CFAP100: variants seen among roughly 807,000 people sequenced by gnomAD.
CFAP100 encodes the protein cilia and flagella associated protein 100, also known as cilia- and flagella-associated protein 100.
Under a neutral mutation model 81.5 loss-of-function variants are expected in CFAP100, and 70 were observed. The observed-to-expected ratio is 0.86, with a 90% CI of 0.71 to 1.05. The LOEUF (loss-of-function observed/expected upper bound fraction) is 1.05. Ranked by LOEUF, CFAP100 falls within the 50% of genes least tolerant of loss-of-function variation. The pLI is 0.00. For synonymous variants in CFAP100, 341 were observed against 314.8 expected (o/e 1.08, Z -0.88); for missense variants, 811 against 776.5 (o/e 1.04, Z -0.53).
Position 126,418,601 on chromosome 3 carries a change from T to C in CFAP100, c.487-10T>C. 6.2e-7 allele frequency: 1 copy of C among 1,610,524 alleles called. No homozygotes were observed. The highest frequency in any genetic ancestry group is 8.5e-7 in the Non-Finnish European group (1 of 1,178,170). On this transcript the variant is annotated splice_polypyrimidine_tract_variant and intron_variant, in intron 6 of 16. Transcript: ENST00000352312. ...GCCAGGCACCATGACCCCACTCTGC[T>C]GGCCCCCAGTATGCCCTGGATGTCA...
intron 13 of CFAP100, among the ~76,000 whole-genome samples, chr3:126,426,914 C>A (rs1298131573): frequency 3.3e-5 from 5 of 152,184 alleles, no homozygotes; most frequent in Admixed American, 2.6e-4. Flanking sequence ...ATACCATTTA[C>A]ATTAGCACCC....
intron 13 of CFAP100, among the ~76,000 whole-genome samples, chr3:126,424,454 A>G (rs11711483): frequency 0.23 from 34,640 of 152,236 alleles, 4,156 homozygotes; most frequent in East Asian, 0.36. Context: ...CTGGAGCCCA[A>G]TTGAGGCTAT....
At chr3:126,407,029 G>A in intron 2 of CFAP100, 143 bp from the exon 3 acceptor site, 2 of 556,216 alleles carry the variant, frequency 3.6e-6, no homozygotes, top group South Asian at 2.7e-5. Flanking sequence ...TGATCTCTGG[G>A]ATGTAGAGCC....
chr3:126,407,913 G>T (rs2083093029), intron 3 of CFAP100, among the ~76,000 whole-genome samples: 1 of 152,154 alleles, frequency 6.6e-6, no homozygotes, highest in African/African-American at 2.4e-5. Flanking sequence ...CCCTTGCCTG[G>T]ACTCCCTGCT....
intron 15 of CFAP100, chr3:126,434,644 A>G (rs1933375183): frequency 6.6e-6 from 3 of 453,908 alleles, no homozygotes; most frequent in Non-Finnish European, 1.2e-5. Context: ...TAGAAGATAG[A>G]AGAGCTGGAG....
chr3:126,402,827 G>A (rs72977843), intron 2 of CFAP100, among the ~76,000 whole-genome samples: 3,449 of 151,566 alleles, frequency 0.023, 144 homozygotes, highest in African/African-American at 0.079. Context: ...GGTGGGGGGT[G>A]CAGTCCAGAC....
At chr3:126,432,282 C>CAA (rs58421889) in intron 13 of CFAP100, among the ~76,000 whole-genome samples, 892 of 75,932 alleles carry the variant, frequency 0.012, 5 homozygotes, top group Middle Eastern at 0.019. Context: ...GACTCCGTCT[C>CAA]AAAAAAAAAA....
rs2083247747 is a variant in CFAP100, at chr3:126,416,573, G to A, written c.418+65G>A. 6.6e-6 allele frequency: 9 copies of A among 1,355,986 alleles called. 1 individual carries two copies. In the South Asian group the frequency reaches 1.2e-4, roughly 18 times the overall value. 84.0% of individuals were successfully genotyped at this position (1,355,986 alleles called of 1,614,324 possible). ...GTCCCACAACCGCAGCTCAGGGGGC[G>A]CGCCTGGAACCTCCGTGCCACTCAT... is the stretch of plus-strand genomic sequence containing the variant. On this transcript the variant is annotated intron_variant, in intron 5 of 16. Transcript: ENST00000352312.
intron 5 of CFAP100, among the ~76,000 whole-genome samples, chr3:126,417,638 C>T (rs376797101): frequency 9.5e-4 from 144 of 152,316 alleles, no homozygotes; most frequent in African/African-American, 3.1e-3. Flanking sequence ...ACTGGGGAGG[C>T]GGGACTATGA....
intron 11 of CFAP100, among the ~76,000 whole-genome samples, chr3:126,423,107 C>T (rs1338991741): frequency 1.3e-5 from 2 of 152,306 alleles, no homozygotes; most frequent in East Asian, 1.9e-4. Flanking sequence ...AAAGTGGCTA[C>T]GGCCTTGGGA....
intron 2 of CFAP100, among the ~76,000 whole-genome samples, chr3:126,406,818 G>A (rs9883231): frequency 0.046 from 7,043 of 152,282 alleles, 241 homozygotes; most frequent in African/African-American, 0.089. Context: ...TGGCCACGCC[G>A]GGGTCAGAGG....
intron 13 of CFAP100, among the ~76,000 whole-genome samples, chr3:126,432,630 T>TCAGGGTAG (rs146649387): frequency 0.082 from 12,452 of 152,170 alleles, 697 homozygotes; most frequent in South Asian, 0.15. Context: ...TATGAAGTGT[T>TCAGGGTAG]CAGGGTAGAC....
chr3:126,422,769 C>T (rs1236461681), intron 11 of CFAP100, among the ~76,000 whole-genome samples: 1 of 152,214 alleles, frequency 6.6e-6, no homozygotes, highest in East Asian at 1.9e-4. Context: ...CCAAGACTGA[C>T]CCTAGATGGG....
chr3:126,409,430 A>C (rs982120022), intron 3 of CFAP100, among the ~76,000 whole-genome samples: 1 of 152,216 alleles, frequency 6.6e-6, no homozygotes, highest in African/African-American at 2.4e-5. Flanking sequence ...AGTCTTGTAC[A>C]TGTCACTTTG....
At chr3:126,434,057 C>A (rs1487059431) in intron 14 of CFAP100, 119 bp from the exon 15 acceptor site, 8 of 809,046 alleles carry the variant, frequency 9.9e-6, no homozygotes, top group Non-Finnish European at 1.6e-5. Context: ...CTCAGAGCTC[C>A]CACTGTGTGC....
chr3:126,400,580 T>G (rs369508201), intron 2 of CFAP100, among the ~76,000 whole-genome samples: 1 of 151,982 alleles, frequency 6.6e-6, no homozygotes, highest in Admixed American at 6.6e-5. Flanking sequence ...GGTGAAACCC[T>G]GTCTCTACTA....
chr3:126,435,098 G>A (rs183177806), intron 15 of CFAP100, among the ~76,000 whole-genome samples: 2 of 152,290 alleles, frequency 1.3e-5, no homozygotes, highest in East Asian at 3.9e-4. Flanking sequence ...TCTCCTCTGG[G>A]TCCCTGGTAC....
intron 2 of CFAP100, among the ~76,000 whole-genome samples, chr3:126,401,629 A>T (rs897090488): frequency 3.3e-5 from 5 of 149,362 alleles, no homozygotes; most frequent in Admixed American, 6.6e-5. Context: ...TTGAGTAGAG[A>T]TGGTGAATAA....
intron 3 of CFAP100, among the ~76,000 whole-genome samples, chr3:126,413,056 G>A (rs183786517): frequency 6.6e-6 from 1 of 152,372 alleles, no homozygotes; most frequent in African/African-American, 2.4e-5. Context: ...CTGCCCCTCT[G>A]ATCAAGCACC....
Sources: gnomAD v4.1 joint callset for allele counts (sites outside exome capture counted in the v4.1 genomes callset) on GRCh38, gnomAD v4.1.1 for gene constraint, MANE v1.5 for transcripts, NCBI Gene and HGNC (gene_info 2026-07-23, HGNC 2026-07-21) for gene names.